The following GNPAT variants were observed in gnomAD, a reference collection of about 807,000 sequenced individuals.
GNPAT encodes the protein glyceronephosphate O-acyltransferase, also known as dihydroxyacetone phosphate acyltransferase.
GNPAT carries 30 observed loss-of-function variants against 78.4 expected under a neutral mutation model. The ratio of observed to expected loss-of-function variants is 0.38; its 90% CI spans 0.29 to 0.52. The LOEUF is 0.52. GNPAT is among the 20% of genes least tolerant of loss of function. The pLI is 0.84. For missense variants in GNPAT, 714 were observed against 812.2 expected (o/e 0.88, Z 1.47); for synonymous variants, 271 against 281.1 (o/e 0.96, Z 0.36).
At chr1:231,260,353 A>G (rs1481894323) in intron 2 of GNPAT, among the ~76,000 whole-genome samples, 154 bp from the exon 3 acceptor site, 2 of 123,718 alleles carry the variant, frequency 1.6e-5, no homozygotes, top group African/African-American at 6.6e-5. Flanking sequence ...TTTATCTACT[A>G]TGACTGTGTT....
chr1:231,249,500 A>G (rs1684834845), intron 1 of GNPAT, among the ~76,000 whole-genome samples: 1 of 152,358 alleles, frequency 6.6e-6, no homozygotes, highest in East Asian at 1.9e-4. Context: ...CTATATTCCA[A>G]ATAAAACCAG....
In GNPAT at chr1:231,241,290, C is replaced by G; in HGVS notation, c.-89C>G. 7.1e-7 allele frequency: 1 copy of G among 1,399,454 alleles called. No individual in the cohort carries two copies. The highest frequency in any genetic ancestry group is 1.0e-6 in the Non-Finnish European group (1 of 984,510). The allele number at this position is 1,399,454 out of a possible 1,614,324, so 86.7% of individuals were successfully genotyped here. On this transcript the variant is annotated 5_prime_UTR_variant, in exon 1 of 16. Transcript: ENST00000366647. ...TGCCGCCGCCCTAGGCGAAGTAGGG[C>G]CGTCCTGAGCGAAAGAACCGCCCCC...
chr1:231,256,475 TTC>T (rs1685064717), intron 2 of GNPAT, among the ~76,000 whole-genome samples: 1 of 134,582 alleles, frequency 7.4e-6, no homozygotes, highest in African/African-American at 2.9e-5. Flanking sequence ...ACTGCTAATT[TTC>T]TCTTTTTTTT....
At chr1:231,259,506 G>A (rs910294517) in intron 2 of GNPAT, among the ~76,000 whole-genome samples, 11 of 152,032 alleles carry the variant, frequency 7.2e-5, no homozygotes, top group African/African-American at 2.7e-4. Flanking sequence ...AATTAGCTGG[G>A]CATGGTGGCA....
At chr1:231,263,388 C>G (rs1040937667) in intron 4 of GNPAT, among the ~76,000 whole-genome samples, 6 of 152,144 alleles carry the variant, frequency 3.9e-5, no homozygotes, top group Admixed American at 3.3e-4. Context: ...TGACCCTGGG[C>G]AATCAGCATT....
At chr1:231,271,027 T>G in intron 10 of GNPAT, 27 bp downstream of exon 10, 1 of 1,612,720 alleles carries the variant, frequency 6.2e-7, no homozygotes, top group Non-Finnish European at 8.5e-7. Flanking sequence ...CAATCTTGAC[T>G]TTTAGAAGAG....
intron 2 of GNPAT, among the ~76,000 whole-genome samples, chr1:231,256,991 G>A (rs141214191): frequency 1.2e-3 from 190 of 152,284 alleles, no homozygotes; most frequent in African/African-American, 4.4e-3. Flanking sequence ...AAAATGAAGC[G>A]AGGAGTTAGT....
At chr1:231,247,082 C>T (rs1250284418) in intron 1 of GNPAT, among the ~76,000 whole-genome samples, 2 of 151,784 alleles carry the variant, frequency 1.3e-5, no homozygotes, top group East Asian at 3.9e-4. Context: ...GGCAGAATGG[C>T]GTGAACCCGG....
At chr1:231,255,192 C>T (rs1685014524) in intron 2 of GNPAT, among the ~76,000 whole-genome samples, 1 of 152,026 alleles carries the variant, frequency 6.6e-6, no homozygotes, top group South Asian at 2.1e-4. Flanking sequence ...TAATCCCTAC[C>T]CTATTCCTTT....
chr1:231,271,723 A>G (rs1162686125), intron 10 of GNPAT, among the ~76,000 whole-genome samples: 1 of 152,230 alleles, frequency 6.6e-6, no homozygotes, highest in East Asian at 1.9e-4. Flanking sequence ...GCCATGGGGT[A>G]GGGAAAAATG....
At chr1:231,260,727 C>T (rs568367005) in intron 3 of GNPAT, 44 bp downstream of exon 3, 2 of 1,222,404 alleles carry the variant, frequency 1.6e-6, no homozygotes, top group East Asian at 4.7e-5. Flanking sequence ...AAAGTCTCAT[C>T]TTAAAATTAA....
rs1646318499 is a variant in GNPAT at position 231,274,140 on chromosome 1, C to T, written c.1743+78C>T. 9 of 1,267,224 alleles carry T rather than the reference C, an allele frequency of 7.1e-6. No individual in the cohort carries two copies. In the East Asian group the frequency reaches 1.6e-4, roughly 23 times the overall value. 78.5% of individuals were successfully genotyped at this position (1,267,224 alleles called of 1,614,324 possible). A position where few individuals can be genotyped will look rare whatever the true frequency, so the allele number is the denominator to read the frequency against. ...GACATTCTCACCCTGTGCTTATTTC[C>T]AGTCTGAAGGGCAGGTATCTTCCCC... On this transcript the variant is annotated intron_variant, in intron 12 of 15. Coordinates refer to ENST00000366647, the MANE Select transcript of GNPAT (RefSeq NM_014236.4).
chr1:231,260,050 G>A (rs1022756801), intron 2 of GNPAT, among the ~76,000 whole-genome samples: 1 of 152,214 alleles, frequency 6.6e-6, no homozygotes, highest in Admixed American at 6.5e-5. Flanking sequence ...GGGACTTTGT[G>A]TGCCTGTGAC....
Position 231,244,630 on chromosome 1 carries a change from A to G in GNPAT, c.78+3174A>G, listed in dbSNP as rs567724670. Among the ~76,000 whole-genome samples, 6 of 152,290 alleles carry G rather than the reference A, an allele frequency of 3.9e-5. No individual in the cohort carries two copies. The South Asian group carries it at 1.2e-3, about 32-fold the overall frequency. On this transcript the variant is annotated intron_variant, in intron 1 of 15. Transcript: ENST00000366647. ...TAAGAGAGAAATATAATGATTTTTA[A>G]CTTGTGGATTATCATGTTATGAGCC...
chr1:231,261,699 GAATT>G (rs1277798822), intron 3 of GNPAT, among the ~76,000 whole-genome samples: 15 of 152,198 alleles, frequency 9.9e-5, no homozygotes, highest in East Asian at 1.9e-4. Context: ...ATTTTTGCCT[GAATT>G]AATTATTATG....
chr1:231,247,171 A>C (rs1291428053), intron 1 of GNPAT, among the ~76,000 whole-genome samples: 1 of 152,110 alleles, frequency 6.6e-6, no homozygotes, highest in Non-Finnish European at 1.5e-5. Flanking sequence ...ATCTCAAAAA[A>C]AAAAACCACT....
At position 231,274,014 on chromosome 1, in the gene GNPAT, G is replaced by A. The variant is rs750115705; in HGVS notation, c.1695G>A (p.Val565=). The change falls in exon 12 of 16, where the codon GTG becomes GTA. Residue 565 remains valine (V), a synonymous_variant. Transcript: ENST00000366647. ...DILVTEKGNT[V]LEFLVGLFKP... ...TAGTTACAGAGAAAGGAAATACTGT[G>A]TTAGAATTTTTAGTAGGACTCTTTA... The A allele has an allele frequency of 1.2e-6, 2 of 1,612,744 alleles. No individual in the cohort carries two copies. The highest frequency in any genetic ancestry group is 1.7e-6 in the Non-Finnish European group (2 of 1,178,806).
At chr1:231,246,037 A>C (rs1048578064) in intron 1 of GNPAT, among the ~76,000 whole-genome samples, 1 of 152,220 alleles carries the variant, frequency 6.6e-6, no homozygotes, top group Non-Finnish European at 1.5e-5. Context: ...AAAGGTAATA[A>C]ATACTGATAA....
intron 3 of GNPAT, among the ~76,000 whole-genome samples, chr1:231,261,438 G>C (rs1685222872): frequency 6.6e-6 from 1 of 151,572 alleles, no homozygotes; most frequent in Admixed American, 6.6e-5. Context: ...CCTTTGCTAG[G>C]AACACCCCGG....
Sources: gnomAD v4.1 joint callset for allele counts (sites outside exome capture counted in the v4.1 genomes callset) on GRCh38, gnomAD v4.1.1 for gene constraint, MANE v1.5 for transcripts, NCBI Gene and HGNC (gene_info 2026-07-23, HGNC 2026-07-21) for gene names.